WWOX: variants seen among roughly 807,000 people sequenced by gnomAD.
The protein encoded by WWOX is WW domain containing oxidoreductase, also known as WW domain-containing oxidoreductase.
Under a neutral mutation model 46.2 loss-of-function variants are expected in WWOX, and 69 were observed. That is an observed-to-expected ratio of 1.49 (90% CI 1.23 to 1.82). WWOX has a LOEUF of 1.82. Among genes scored for constraint, WWOX ranks in the 40% most tolerant of loss-of-function variants. The probability of loss-of-function intolerance (pLI) is 0.00; values close to 1 mark genes in which losing one functional copy is unlikely to be tolerated. For synonymous variants in WWOX, 359 were observed against 202.6 expected (o/e 1.77, Z -6.56); for missense variants, 919 against 542.6 (o/e 1.69, Z -6.89).
intron 8 of WWOX, among the ~76,000 whole-genome samples, chr16:79,118,442 G>A (rs2049562529): frequency 6.6e-6 from 1 of 152,168 alleles, no homozygotes; most frequent in Non-Finnish European, 1.5e-5. Context: ...TTGAAATATT[G>A]TAAGAATTAT....
intron 8 of WWOX, among the ~76,000 whole-genome samples, chr16:79,027,150 C>G (rs1408551579): frequency 1.3e-5 from 2 of 151,088 alleles, no homozygotes; most frequent in African/African-American, 4.9e-5. Flanking sequence ...CATGGTGGTA[C>G]ATGCCTGTAG....
chr16:78,880,953 C>G (rs1377367135), intron 8 of WWOX, among the ~76,000 whole-genome samples: 2 of 145,314 alleles, frequency 1.4e-5, no homozygotes, highest in Non-Finnish European at 3.0e-5. Flanking sequence ...CATTATGAGT[C>G]TATCTTTCGG....
intron 5 of WWOX, among the ~76,000 whole-genome samples, chr16:78,370,450 AAGG>A (rs1353435207): frequency 7.2e-5 from 11 of 152,134 alleles, no homozygotes; most frequent in African/African-American, 1.2e-4. Context: ...GAAAGGGAAA[AAGG>A]AGAGAAATAT....
At chr16:78,878,914 A>AG (rs202132705) in intron 8 of WWOX, among the ~76,000 whole-genome samples, 52,949 of 145,864 alleles carry the variant, frequency 0.36, 11,354 homozygotes, top group Non-Finnish European at 0.46. Context: ...AAAAAAAAAA[A>AG]AAAAAAGCCT....
intron 8 of WWOX, among the ~76,000 whole-genome samples, chr16:79,028,281 C>A (rs2047685606): frequency 6.6e-6 from 1 of 151,788 alleles, no homozygotes; most frequent in South Asian, 2.1e-4. Flanking sequence ...TAATACCTGG[C>A]CCAGTGTCTG....
At chr16:78,952,000 C>T (rs2046069813) in intron 8 of WWOX, among the ~76,000 whole-genome samples, 1 of 152,132 alleles carries the variant, frequency 6.6e-6, no homozygotes, top group African/African-American at 2.4e-5. Context: ...CTAATCTTCC[C>T]ACCCTCAGAT....
At chr16:78,406,303 A>AATATATATATATAT (rs532594425) in intron 6 of WWOX, among the ~76,000 whole-genome samples, 7 of 57,834 alleles carry the variant, frequency 1.2e-4, no homozygotes, top group East Asian at 7.5e-4. Flanking sequence ...TATAAATATA[A>AATATATATATATAT]ATATATATAT....
chr16:78,951,462 C>T lies in WWOX; in HGVS notation c.1057-260146C>T, dbSNP rs79834409. 2.2e-4 allele frequency among the ~76,000 whole-genome samples: 33 copies of T among 149,790 alleles called. 1 individual carries two copies. The East Asian group carries it at 3.6e-3, about 16-fold the overall frequency. On this transcript the variant is annotated intron_variant, in intron 8 of 8. Coordinates refer to ENST00000566780, the MANE Select transcript of WWOX (RefSeq NM_016373.4). ...TAAAGACCACCTTAGAGCATGGGAG[C>T]GGGATCCCCTTGATCCACACCATAT...
chr16:78,376,130 A>G (rs368824493), intron 5 of WWOX, among the ~76,000 whole-genome samples: 4 of 152,164 alleles, frequency 2.6e-5, no homozygotes, highest in Non-Finnish European at 5.9e-5. Flanking sequence ...GATTACAGGC[A>G]TGAGCCACCA....
At chr16:78,436,235 G>C (rs554661338) in intron 8 of WWOX, among the ~76,000 whole-genome samples, 12 of 152,280 alleles carry the variant, frequency 7.9e-5, no homozygotes, top group African/African-American at 2.9e-4. Context: ...TGCAAATTGG[G>C]AGTCTGGAAA....
intron 8 of WWOX, among the ~76,000 whole-genome samples, chr16:78,819,234 G>T (rs147318017): frequency 7.2e-5 from 11 of 152,246 alleles, no homozygotes; most frequent in African/African-American, 2.2e-4. Flanking sequence ...GTTGTCTTCA[G>T]TGACCCCCAG....
chr16:78,232,271 C>A (rs2037294560), intron 5 of WWOX, among the ~76,000 whole-genome samples: 1 of 152,196 alleles, frequency 6.6e-6, no homozygotes, highest in Non-Finnish European at 1.5e-5. Flanking sequence ...ACACATTCGT[C>A]TGTTCGTTCA....
intron 8 of WWOX, among the ~76,000 whole-genome samples, chr16:78,582,986 C>T (rs184607961): frequency 9.8e-4 from 149 of 152,290 alleles, no homozygotes; most frequent in African/African-American, 3.5e-3. Context: ...TTGTCAAATG[C>T]GCGTTTAATC....
At chr16:78,442,542 T>A (rs531071924) in intron 8 of WWOX, among the ~76,000 whole-genome samples, 27 of 152,122 alleles carry the variant, frequency 1.8e-4, no homozygotes. Flanking sequence ...AGTGAGATCA[T>A]AGAGTATTTG....
At chr16:78,132,374 A>G (rs578136434) in intron 4 of WWOX, among the ~76,000 whole-genome samples, 8 of 152,146 alleles carry the variant, frequency 5.3e-5, no homozygotes, top group Non-Finnish European at 8.8e-5. Flanking sequence ...CTGAGTAACT[A>G]TAAAGAAAAG....
intron 8 of WWOX, chr16:78,553,105 A>G (rs1023631958): frequency 6.6e-6 from 1 of 152,186 alleles, no homozygotes; most frequent in African/African-American, 2.4e-5. Context: ...GGAGGGAAAC[A>G]ACACACACTG....
intron 8 of WWOX, among the ~76,000 whole-genome samples, chr16:78,807,328 A>C (rs1567573808): frequency 6.6e-6 from 1 of 152,236 alleles, no homozygotes; most frequent in Non-Finnish European, 1.5e-5. Flanking sequence ...TACAGATGCC[A>C]GTGACACCCA....
At chr16:78,507,993 CGT>C (rs370434842) in intron 8 of WWOX, among the ~76,000 whole-genome samples, 1 of 145,462 alleles carries the variant, frequency 6.9e-6, no homozygotes, top group Non-Finnish European at 1.5e-5. Flanking sequence ...TTTTTGGTTG[CGT>C]GCGTGTGTGT....
At chr16:78,335,748 C>T (rs765248345) in intron 5 of WWOX, among the ~76,000 whole-genome samples, 4 of 152,136 alleles carry the variant, frequency 2.6e-5, no homozygotes, top group Admixed American at 6.5e-5. Context: ...GACTCATGTT[C>T]GTGTGGTTCT....
Sources: allele counts gnomAD v4.1 joint callset (sites outside exome capture counted in the v4.1 genomes callset), GRCh38; gene constraint gnomAD v4.1.1; transcripts MANE v1.5; gene names NCBI Gene and HGNC (gene_info 2026-07-23, HGNC 2026-07-21).